DLGAP4: variants seen among roughly 807,000 people sequenced by gnomAD.
DLGAP4 encodes DLG associated protein 4.
In DLGAP4, 18 loss-of-function variants were observed where a neutral mutation model predicts 86.9. That is an observed-to-expected ratio of 0.21 (90% CI 0.14 to 0.31). The LOEUF (loss-of-function observed/expected upper bound fraction) is 0.31. Among genes scored for constraint, DLGAP4 ranks in the 10% least tolerant of loss-of-function variants. The probability of loss-of-function intolerance (pLI) is 1.00; values close to 1 mark genes in which losing one functional copy is unlikely to be tolerated. For missense variants in DLGAP4, 1,085 were observed against 1,362.6 expected, an observed-to-expected ratio of 0.80 and a Z score of 3.21; for synonymous variants, 548 against 574.3, an observed-to-expected ratio of 0.95 and a Z score of 0.65.
At chr20:36,518,451 A>G (rs771852951) in intron 10 of DLGAP4, among the ~76,000 whole-genome samples, 5 of 151,994 alleles carry the variant, frequency 3.3e-5, no homozygotes, top group Non-Finnish European at 7.4e-5. Flanking sequence ...TTCCCTTACT[A>G]ATGTCTTAAA....
At chr20:36,319,595 G>T (rs542925565) in intron 1 of DLGAP4, among the ~76,000 whole-genome samples, 1 of 152,204 alleles carries the variant, frequency 6.6e-6, no homozygotes, top group Non-Finnish European at 1.5e-5. Context: ...TGCACAGAGG[G>T]CACAGTGCTT....
At chr20:36,341,322 C>G (rs1045179522) in intron 1 of DLGAP4, among the ~76,000 whole-genome samples, 19 of 152,194 alleles carry the variant, frequency 1.2e-4, no homozygotes, top group Non-Finnish European at 2.8e-4. Context: ...CCTTGGGACA[C>G]TTATCATGAC....
intron 7 of DLGAP4, chr20:36,462,280 C>T (rs2034120770): frequency 7.6e-7 from 1 of 1,308,760 alleles, no homozygotes; most frequent in African/African-American, 1.6e-5. Context: ...GTCGCTGTCT[C>T]TCCTTGTTCT....
At chr20:36,466,011 C>T (rs922450705) in intron 7 of DLGAP4, among the ~76,000 whole-genome samples, 2 of 152,174 alleles carry the variant, frequency 1.3e-5, no homozygotes, top group Non-Finnish European at 2.9e-5. Flanking sequence ...TGGCAGGTCA[C>T]GCCACCTTTC....
At chr20:36,523,134 G>A (rs1000115364) in intron 10 of DLGAP4, among the ~76,000 whole-genome samples, 1 of 152,174 alleles carries the variant, frequency 6.6e-6, no homozygotes, top group African/African-American at 2.4e-5. Context: ...CCCCAGGCTG[G>A]AGTGCAGTGG....
chr20:36,524,733 T>C (rs2037600615), intron 11 of DLGAP4, among the ~76,000 whole-genome samples: 1 of 151,798 alleles, frequency 6.6e-6, no homozygotes, highest in African/African-American at 2.4e-5. Flanking sequence ...AGAAACCCTG[T>C]CTCTACTAAA....
intron 2 of DLGAP4, among the ~76,000 whole-genome samples, chr20:36,385,210 G>A (rs1160091186): frequency 6.6e-6 from 1 of 152,176 alleles, no homozygotes; most frequent in African/African-American, 2.4e-5. Context: ...ACAAACAGGG[G>A]CTGTGTGTCA....
intron 7 of DLGAP4, chr20:36,462,479 C>A: frequency 1.9e-6 from 3 of 1,574,532 alleles, no homozygotes; most frequent in Non-Finnish European, 2.6e-6. Context: ...AGCCCTAGCC[C>A]CCTGTCTCCC....
chr20:36,422,667 C>T (rs1289490761), intron 2 of DLGAP4, among the ~76,000 whole-genome samples: 1 of 152,090 alleles, frequency 6.6e-6, no homozygotes, highest in Non-Finnish European at 1.5e-5. Flanking sequence ...TGCTCACAGG[C>T]CCACTCTGGC....
intron 1 of DLGAP4, among the ~76,000 whole-genome samples, chr20:36,318,143 CACACACACACACACAG>C (rs1385328180): frequency 6.7e-6 from 1 of 148,914 alleles, no homozygotes. Flanking sequence ...CACACACACA[CACACACACACACACAG>C]TCTACTCCAG....
intron 10 of DLGAP4, among the ~76,000 whole-genome samples, chr20:36,514,198 C>G (rs2036901755): frequency 6.6e-6 from 1 of 152,088 alleles, no homozygotes; most frequent in African/African-American, 2.4e-5. Context: ...AAGGGCTCAC[C>G]AAGCCAGATC....
intron 1 of DLGAP4, among the ~76,000 whole-genome samples, chr20:36,315,770 A>G (rs948884196): frequency 1.3e-5 from 2 of 152,044 alleles, no homozygotes; most frequent in African/African-American, 4.8e-5. Context: ...CAGACCTACA[A>G]TGCTCTCCTG....
At chr20:36,383,945 C>A (rs6030520) in intron 2 of DLGAP4, among the ~76,000 whole-genome samples, 7,768 of 147,624 alleles carry the variant, frequency 0.053, 650 homozygotes, top group African/African-American at 0.19. Context: ...CTTAGCGCCA[C>A]TGCACTCCGG....
rs527897148 is a variant in DLGAP4, at chr20:36,479,993, T to C, written c.1649-16712T>C. ...CTCAGGCAATTGTAATGACAGTTCC[T>C]CACCTGCCAAGCCCTTTCCCACCTG... On this transcript the variant is annotated intron_variant, in intron 7 of 12. Transcript: ENST00000339266. Among the ~76,000 whole-genome samples the C allele has an allele frequency of 5.3e-5, 8 of 152,200 alleles. No homozygotes were observed. The South Asian group carries it at 1.7e-3, about 32-fold the overall frequency.
In DLGAP4 at chr20:36,350,703, G is replaced by A. The variant is rs1269131009; in HGVS notation, c.-303-16342G>A. On this transcript the variant is annotated intron_variant, in intron 1 of 12. Coordinates refer to ENST00000339266, the MANE Select transcript of DLGAP4 (RefSeq NM_001365621.2). This position sits in a 1 kb window ranked among gnomAD's most constrained non-coding sequence, Gnocchi z 4.4. ...TGCACACAGTAGGTGATCACAAAGT[G>A]CTTCTCACAGCAGATGGCAGAGATG... Among the ~76,000 whole-genome samples the A allele has an allele frequency of 5.9e-5, 9 of 152,260 alleles. No homozygotes were observed. The highest frequency in any genetic ancestry group is 2.2e-4 in the African/African-American group (9 of 41,474).
intron 2 of DLGAP4, among the ~76,000 whole-genome samples, chr20:36,428,843 T>C (rs1255658846): frequency 6.6e-6 from 1 of 152,252 alleles, no homozygotes; most frequent in African/African-American, 2.4e-5. Context: ...TCTCTTTTTT[T>C]GAGACACAGT....
chr20:36,485,833 C>T (rs1600629725), intron 7 of DLGAP4, among the ~76,000 whole-genome samples: 1 of 152,290 alleles, frequency 6.6e-6, no homozygotes, highest in East Asian at 1.9e-4. Context: ...CTGGAAGCAC[C>T]ACATGCTTTC....
At position 36,439,904 on chromosome 20, in the gene DLGAP4, T is replaced by C. The variant is rs1329554358; in HGVS notation, c.1356+36T>C. ...CAGGGAGGCTGGAGAGTCAGGGGGC[T>C]TGGGTACTGATTCCCATCTGGGAGG... On this transcript the variant is annotated intron_variant, in intron 5 of 12. Transcript: ENST00000339266. The C allele has an allele frequency of 1.9e-6, 3 of 1,566,742 alleles. No homozygotes were observed. In the East Asian group the frequency reaches 6.9e-5, roughly 36 times the overall value.
chr20:36,349,310 C>T (rs959249712), intron 1 of DLGAP4, among the ~76,000 whole-genome samples: 10 of 147,558 alleles, frequency 6.8e-5, no homozygotes, highest in Middle Eastern at 3.7e-3. Context: ...CCCAGCTACT[C>T]GGGAGGCTGA....
Sources: allele counts gnomAD v4.1 joint callset (sites outside exome capture counted in the v4.1 genomes callset), GRCh38; gene constraint gnomAD v4.1.1; non-coding constraint Gnocchi (gnomAD v3.1); transcripts MANE v1.5; gene names NCBI Gene and HGNC (gene_info 2026-07-23, HGNC 2026-07-21).